CNTN6: variants seen among roughly 807,000 people sequenced by gnomAD.
CNTN6 encodes contactin-6.
A neutral mutation model predicts 122.8 loss-of-function variants in CNTN6; 137 were observed. The observed-to-expected ratio is 1.12, with a 90% CI of 0.97 to 1.29. The LOEUF is 1.29. Among genes scored for constraint, CNTN6 ranks in the 50% most tolerant of loss-of-function variants. The pLI, the probability that CNTN6 is intolerant of heterozygous loss-of-function variation, is 0.00. For synonymous variants in CNTN6, 570 were observed against 426.0 expected (o/e 1.34, Z -4.16); for missense variants, 1,634 against 1,223.4 (o/e 1.34, Z -5.01).
chr3:1,309,291 A>G (rs894361226), intron 7 of CNTN6, among the ~76,000 whole-genome samples: 4 of 152,088 alleles, frequency 2.6e-5, no homozygotes, highest in African/African-American at 9.7e-5. Flanking sequence ...TTGATGGTCC[A>G]TTTTGCATTA....
At chr3:1,236,494 G>A (rs2094423826) in intron 4 of CNTN6, among the ~76,000 whole-genome samples, 1 of 152,078 alleles carries the variant, frequency 6.6e-6, no homozygotes, top group African/African-American at 2.4e-5. Flanking sequence ...AATCACTACA[G>A]TTCAGTTCTC....
At chr3:1,301,472 TG>T (rs1239816734) in intron 7 of CNTN6, among the ~76,000 whole-genome samples, 4 of 152,212 alleles carry the variant, frequency 2.6e-5, no homozygotes, top group African/African-American at 9.7e-5. Flanking sequence ...AAATAAATCA[TG>T]TTGGTTAAGT....
At chr3:1,364,894 T>C (rs958217599) in intron 12 of CNTN6, among the ~76,000 whole-genome samples, 1 of 151,948 alleles carries the variant, frequency 6.6e-6, no homozygotes, top group African/African-American at 2.4e-5. Flanking sequence ...TAATAACTTT[T>C]AGCTCACTGA....
intron 16 of CNTN6, 59 bp downstream of exon 16, chr3:1,374,132 CA>C (rs1379302060): frequency 1.9e-6 from 2 of 1,045,070 alleles, no homozygotes; most frequent in East Asian, 2.4e-5. Flanking sequence ...GTTCTTAAAA[CA>C]AAACAAGTAT....
intron 12 of CNTN6, among the ~76,000 whole-genome samples, chr3:1,356,270 G>A (rs1045845903): frequency 5.9e-5 from 9 of 151,824 alleles, no homozygotes; most frequent in African/African-American, 2.2e-4. Context: ...CCCCACTGGA[G>A]AAGTTTTGGA....
At chr3:1,398,432 A>G (rs917132764) in intron 20 of CNTN6, among the ~76,000 whole-genome samples, 4 of 152,126 alleles carry the variant, frequency 2.6e-5, no homozygotes, top group Non-Finnish European at 4.4e-5. Context: ...TTCTAAAAAC[A>G]TATCAAGCAT....
chr3:1,367,560 T>C (rs1708412352), intron 12 of CNTN6, among the ~76,000 whole-genome samples: 1 of 151,890 alleles, frequency 6.6e-6, no homozygotes, highest in Non-Finnish European at 1.5e-5. Flanking sequence ...GGTAAAATGA[T>C]TAAGAATTTA....
intron 2 of CNTN6, among the ~76,000 whole-genome samples, chr3:1,208,008 G>C (rs1042678871): frequency 3.3e-5 from 5 of 151,772 alleles, no homozygotes; most frequent in African/African-American, 1.2e-4. Flanking sequence ...TTGGTATTGT[G>C]CCTACATACT....
In CNTN6 at chr3:1,402,334, A is replaced by C. The variant is rs751844233; in HGVS notation, c.2834A>C (p.Asn945Thr). The change falls in exon 22 of 23, where the codon AAC (asparagine) becomes ACC (threonine). Residue 945 changes from asparagine (N) to threonine (T), a missense_variant. Physicochemically the swap from Asn to Thr is moderately conservative, Grantham distance 65 (BLOSUM62 0). Coordinates refer to ENST00000446702, the MANE Select transcript of CNTN6 (RefSeq NM_001289080.2). ...VLGYKILYRQ[N>T]RQSKTHILET... is the part of the protein sequence containing the mutation. ...TTTATTCAGATTCTGTACCGGCAAAACAGACAGAGTAAAACTCATATTTTG... is the reference window on the plus strand; with the variant it reads ...TTTATTCAGATTCTGTACCGGCAAACCAGACAGAGTAAAACTCATATTTTG... The C allele has an allele frequency of 8.7e-6, 14 of 1,608,612 alleles. No homozygotes were observed. In the Admixed American group the frequency reaches 2.2e-4, roughly 25 times the overall value.
intron 12 of CNTN6, among the ~76,000 whole-genome samples, chr3:1,357,544 G>C (rs1432737151): frequency 6.6e-6 from 1 of 151,886 alleles, no homozygotes; most frequent in African/African-American, 2.4e-5. Context: ...GGAGATTGAG[G>C]AATAGGTTGC....
chr3:1,141,506 T>C (rs772802229), intron 1 of CNTN6, among the ~76,000 whole-genome samples: 8 of 152,194 alleles, frequency 5.3e-5, no homozygotes, highest in Non-Finnish European at 1.2e-4. Flanking sequence ...ACCATTCTAC[T>C]GCCCTGTACT....
intron 2 of CNTN6, among the ~76,000 whole-genome samples, chr3:1,154,275 T>C (rs546822833): frequency 1.3e-5 from 2 of 152,254 alleles, no homozygotes; most frequent in East Asian, 3.9e-4. Context: ...CTTAGTTGAA[T>C]GGAATGTGAG....
intron 20 of CNTN6, among the ~76,000 whole-genome samples, chr3:1,397,908 T>G (rs1695181924): frequency 1.3e-5 from 2 of 152,272 alleles, no homozygotes; most frequent in African/African-American, 4.8e-5. Context: ...TGTTTTTGAA[T>G]TGAGTTCACA....
At position 1,402,324 on chromosome 3, in the gene CNTN6, T is replaced by C; in HGVS notation, c.2824T>C (p.Tyr942His). 5.0e-6 allele frequency: 8 copies of C among 1,607,280 alleles called. No homozygotes were observed. Among genetic ancestry groups the C allele is most frequent in the Non-Finnish European group, 6.8e-6 (8 of 1,176,566 alleles). Reference sequence around the variant, plus strand: ...GATACCTCATTTTATTCAGATTCTGTACCGGCAAAACAGACAGAGTAAAAC... The same window carrying C: ...GATACCTCATTTTATTCAGATTCTGCACCGGCAAAACAGACAGAGTAAAAC... Reference protein sequence around the residue: ...ESEVLGYKILYRQNRQSKTHI... With the variant: ...ESEVLGYKILHRQNRQSKTHI... The change falls in exon 22 of 23, where the codon TAC becomes CAC. Residue 942 changes from tyrosine to histidine, a missense_variant. Coordinates refer to ENST00000446702, the MANE Select transcript of CNTN6 (RefSeq NM_001289080.2).
At chr3:1,257,565 T>C (rs886293352) in intron 4 of CNTN6, among the ~76,000 whole-genome samples, 9 of 152,150 alleles carry the variant, frequency 5.9e-5, no homozygotes, top group African/African-American at 2.2e-4. Context: ...CTATGAAATT[T>C]CCCCAATTCC....
intron 8 of CNTN6, among the ~76,000 whole-genome samples, chr3:1,323,780 G>A (rs1275782862): frequency 1.3e-5 from 2 of 151,582 alleles, no homozygotes; most frequent in East Asian, 2.0e-4. Context: ...AAACCTGTAT[G>A]GTAGACCCAA....
rs185589413 is a variant in CNTN6 at position 1,222,322 on chromosome 3, C to T, written c.182+1509C>T. Among the ~76,000 whole-genome samples, 3 of 152,236 alleles carry T rather than the reference C, an allele frequency of 2.0e-5. No individual in the cohort carries two copies. In the East Asian group the frequency reaches 5.8e-4, roughly 29 times the overall value. On this transcript the variant is annotated intron_variant, in intron 3 of 22. Coordinates refer to ENST00000446702, the MANE Select transcript of CNTN6 (RefSeq NM_001289080.2). ...TAAATATATGAAAATTTGATTAATACATTTAGTGAGATCACCTAATACTTA... is the reference window on the plus strand; with the variant it reads ...TAAATATATGAAAATTTGATTAATATATTTAGTGAGATCACCTAATACTTA...
chr3:1,111,984 C>G (rs897659507), intron 1 of CNTN6, among the ~76,000 whole-genome samples: 2 of 152,060 alleles, frequency 1.3e-5, no homozygotes, highest in African/African-American at 4.8e-5. Flanking sequence ...AGCCAAAATA[C>G]TTAAAAATGG....
intron 2 of CNTN6, among the ~76,000 whole-genome samples, chr3:1,213,098 T>C (rs796131119): frequency 6.6e-6 from 1 of 152,182 alleles, no homozygotes; most frequent in African/African-American, 2.4e-5. Context: ...CACAGGGATT[T>C]AATTTGGAAA....
Sources: allele counts gnomAD v4.1 joint callset (sites outside exome capture counted in the v4.1 genomes callset), GRCh38; gene constraint gnomAD v4.1.1; transcripts MANE v1.5; gene names NCBI Gene and HGNC (gene_info 2026-07-23, HGNC 2026-07-21).